ARID1B: variants seen among roughly 807,000 people sequenced by gnomAD.
ARID1B encodes AT-rich interaction domain 1B, also known as AT-rich interactive domain-containing protein 1B.
A neutral mutation model predicts 212.3 loss-of-function variants in ARID1B; 30 were observed. The ratio of observed to expected loss-of-function variants is 0.14; its 90% CI spans 0.11 to 0.19. The LOEUF is 0.19. Among genes scored for constraint, ARID1B ranks in the 10% least tolerant of loss-of-function variants. ARID1B has a pLI of 1.00. For missense variants in ARID1B, 2,891 were observed against 3,204.0 expected, an observed-to-expected ratio of 0.90 and a Z score of 2.36; for synonymous variants, 1,402 against 1,301.7, an observed-to-expected ratio of 1.08 and a Z score of -1.66.
intron 2 of ARID1B, among the ~76,000 whole-genome samples, chr6:156,875,485 A>G (rs1786473984): frequency 6.6e-6 from 1 of 152,248 alleles, no homozygotes; most frequent in African/African-American, 2.4e-5. Flanking sequence ...GAAAGTTTTC[A>G]TTGACCAGCT....
At chr6:157,188,043 G>C (rs1045830535) in intron 13 of ARID1B, among the ~76,000 whole-genome samples, 18 of 152,092 alleles carry the variant, frequency 1.2e-4, no homozygotes, top group Admixed American at 7.9e-4. Context: ...TGTGTTTCCA[G>C]GGTTTTACGC....
intron 13 of ARID1B, 85 bp downstream of exon 13, chr6:157,184,520 G>T: frequency 6.7e-7 from 1 of 1,499,036 alleles, no homozygotes; most frequent in Non-Finnish European, 9.2e-7. Flanking sequence ...TCACAGTCAG[G>T]CCAACAGGGA....
intron 2 of ARID1B, among the ~76,000 whole-genome samples, chr6:156,835,766 A>T (rs1375489386): frequency 6.6e-6 from 1 of 152,048 alleles, no homozygotes; most frequent in African/African-American, 2.4e-5. Flanking sequence ...TTTAGAGACA[A>T]GGTCTTGCTC....
At chr6:156,901,110 C>A (rs1463340524) in intron 2 of ARID1B, among the ~76,000 whole-genome samples, 1 of 152,072 alleles carries the variant, frequency 6.6e-6, no homozygotes, top group African/African-American at 2.4e-5. Context: ...CACTTCCTCC[C>A]CTCTCCACCT....
At chr6:156,796,222 T>C (rs897058903) in intron 1 of ARID1B, among the ~76,000 whole-genome samples, 2 of 152,226 alleles carry the variant, frequency 1.3e-5, no homozygotes, top group African/African-American at 4.8e-5. Context: ...TATGGTAATG[T>C]ATCACTATCA....
At chr6:156,988,722 C>T (rs751269616) in intron 4 of ARID1B, among the ~76,000 whole-genome samples, 16 of 152,128 alleles carry the variant, frequency 1.1e-4, no homozygotes, top group Admixed American at 9.2e-4. Context: ...TGGGGAAGTG[C>T]GCTTCAATCA....
chr6:157,138,576 T>C (rs1310077968), intron 7 of ARID1B, among the ~76,000 whole-genome samples: 1 of 152,184 alleles, frequency 6.6e-6, no homozygotes, highest in East Asian at 1.9e-4. Context: ...CTTCTGCAGA[T>C]GTGGGGTCTG....
intron 5 of ARID1B, among the ~76,000 whole-genome samples, chr6:157,095,976 CCT>C (rs1347541137): frequency 2.0e-5 from 3 of 152,186 alleles, no homozygotes; most frequent in South Asian, 2.1e-4. Flanking sequence ...TTGAGAATTC[CCT>C]GTCTCTATAC....
intron 4 of ARID1B, among the ~76,000 whole-genome samples, chr6:157,019,219 G>T (rs61275850): frequency 6.6e-6 from 1 of 152,204 alleles, no homozygotes; most frequent in Non-Finnish European, 1.5e-5. Context: ...GGGTTGGAAA[G>T]AGCCTGGTGT....
chr6:156,803,594 A>T (rs764632061), intron 1 of ARID1B, among the ~76,000 whole-genome samples: 1 of 137,516 alleles, frequency 7.3e-6, no homozygotes, highest in Non-Finnish European at 1.6e-5. Context: ...TTTTGTTTTC[A>T]TGGTGTGTTT....
At chr6:156,838,138 A>AT (rs1449430054) in intron 2 of ARID1B, among the ~76,000 whole-genome samples, 2 of 151,900 alleles carry the variant, frequency 1.3e-5, no homozygotes, top group Non-Finnish European at 2.9e-5. Flanking sequence ...ATTTTATTTT[A>AT]TTTTTTTTAA....
chr6:156,789,352 G>T (rs1409687560), intron 1 of ARID1B, among the ~76,000 whole-genome samples: 5 of 152,160 alleles, frequency 3.3e-5, no homozygotes, highest in Non-Finnish European at 1.5e-5. Context: ...AACTGTGTGC[G>T]TCAGGGCTTT....
chr6:157,096,297 A>G (rs1015636054), intron 5 of ARID1B, among the ~76,000 whole-genome samples: 2 of 152,184 alleles, frequency 1.3e-5, no homozygotes, highest in East Asian at 1.9e-4. Context: ...TTCAGTAAAC[A>G]TGGGCCAAAT....
intron 8 of ARID1B, among the ~76,000 whole-genome samples, chr6:157,153,815 T>C (rs573884833): frequency 3.0e-4 from 46 of 152,256 alleles, no homozygotes; most frequent in Non-Finnish European, 5.4e-4. Context: ...TTATCTTTAC[T>C]TTTTTGTAGA....
intron 3 of ARID1B, among the ~76,000 whole-genome samples, chr6:156,912,737 C>T (rs1789996557): frequency 6.6e-6 from 1 of 152,198 alleles, no homozygotes; most frequent in Non-Finnish European, 1.5e-5. Flanking sequence ...ACACACTCTG[C>T]CAGAAATCTC....
In ARID1B at chr6:156,778,736, C is replaced by A; in HGVS notation, c.1056C>A (p.Ala352=). Residue 352 remains alanine, a synonymous_variant, in exon 1 of 20, where the codon GCC becomes GCA. Transcript: ENST00000636930. ...CCGGGATGGGGATGATGCACTCCGCCTCCGCCGCCGCCGCCGGGGCCCCCG... is the reference window on the plus strand; with the variant it reads ...CCGGGATGGGGATGATGCACTCCGCATCCGCCGCCGCCGCCGGGGCCCCCG... ...QSPGMGMMHS[A]SAAAAGAPGS... 1 of 1,525,458 alleles carries A rather than the reference C, an allele frequency of 6.6e-7. No individual in the cohort carries two copies. Among genetic ancestry groups the A allele is most frequent in the Admixed American group, 2.0e-5 (1 of 48,998 alleles). The allele number at this position is 1,525,458 out of a possible 1,614,324, so 94.5% of individuals were successfully genotyped here. A position where few individuals can be genotyped will look rare whatever the true frequency, so the allele number is the denominator to read the frequency against.
rs756141390 is a variant in ARID1B, at chr6:157,189,723, A to G, written c.4001A>G (p.Lys1334Arg). The change falls in exon 14 of 20, where the codon AAG becomes AGG. Residue 1334 changes from lysine (K) to arginine (R), a missense_variant. Coordinates refer to ENST00000636930, the MANE Select transcript of ARID1B (RefSeq NM_001374828.1). ...NSMAEVPGDLKPPTPASTPHG... is the reference protein window; with the variant it reads ...NSMAEVPGDLRPPTPASTPHG... ...ATGGCAGAGGTTCCAGGTGACCTGAAGCCACCTACCCCAGCCTCCACCCCT... is the reference window on the plus strand; with the variant it reads ...ATGGCAGAGGTTCCAGGTGACCTGAGGCCACCTACCCCAGCCTCCACCCCT... 1 of 1,614,110 alleles carries G rather than the reference A, an allele frequency of 6.2e-7. No homozygotes were observed.
rs2128325815 is a variant in ARID1B, at chr6:157,184,395, G to A, written c.3879G>A (p.Gly1293=). Reference sequence around the variant, plus strand: ...CCCCGCCGGAAGTCTTCAGCACCGGGGACACCAAAAAGCAGCCCAAGCTCC... The same window carrying A: ...CCCCGCCGGAAGTCTTCAGCACCGGAGACACCAAAAAGCAGCCCAAGCTCC... ...EEPPPEVFST[G]DTKKQPKLQP... is the part of the protein sequence containing the mutation. The change falls in exon 13 of 20, where the codon GGG becomes GGA. Residue 1293 remains glycine (G), a synonymous_variant. Transcript: ENST00000636930. The A allele has an allele frequency of 6.2e-7, 1 of 1,614,096 alleles. No homozygotes were observed. The highest frequency in any genetic ancestry group is 8.5e-7 in the Non-Finnish European group (1 of 1,180,034).
chr6:157,056,014 C>T (rs1031596688), intron 4 of ARID1B, among the ~76,000 whole-genome samples: 1 of 152,166 alleles, frequency 6.6e-6, no homozygotes, highest in African/African-American at 2.4e-5. Context: ...GTCAGACCCA[C>T]CCAGGAATAT....
Sources: allele counts gnomAD v4.1 joint callset (sites outside exome capture counted in the v4.1 genomes callset), GRCh38; gene constraint gnomAD v4.1.1; transcripts MANE v1.5; gene names NCBI Gene and HGNC (gene_info 2026-07-23, HGNC 2026-07-21).